TMEM132D: variants seen among roughly 807,000 people sequenced by gnomAD.
TMEM132D encodes mature OL transmembrane protein.
In TMEM132D, 21 loss-of-function variants were observed where a neutral mutation model predicts 62.3. The ratio of observed to expected loss-of-function variants is 0.34; its 90% confidence interval spans 0.24 to 0.49. The LOEUF (loss-of-function observed/expected upper bound fraction) is 0.49. TMEM132D is among the 20% of genes least tolerant of loss of function. TMEM132D has a pLI of 0.99. For synonymous variants in TMEM132D, 621 were observed against 575.6 expected, an observed-to-expected ratio of 1.08 and a Z score of -1.13; for missense variants, 1,346 against 1,402.8, an observed-to-expected ratio of 0.96 and a Z score of 0.65.
intron 4 of TMEM132D, among the ~76,000 whole-genome samples, chr12:129,322,694 C>A (rs1868762845): frequency 6.6e-6 from 1 of 152,040 alleles, no homozygotes; most frequent in South Asian, 2.1e-4. Flanking sequence ...AATTTGCCAC[C>A]TGTTTGATAT....
intron 3 of TMEM132D, among the ~76,000 whole-genome samples, chr12:129,489,567 A>T (rs1874698768): frequency 6.6e-6 from 1 of 152,248 alleles, no homozygotes; most frequent in Non-Finnish European, 1.5e-5. Flanking sequence ...GCAGCTGTAA[A>T]TGTTATTTGG....
chr12:129,432,307 ATGGATGGATGCT>A (rs1241788100), intron 3 of TMEM132D, among the ~76,000 whole-genome samples: 80 of 48,334 alleles, frequency 1.7e-3, no homozygotes, highest in African/African-American at 6.4e-3. Context: ...GGATGGATGG[ATGGATGGATGCT>A]TGGATGGATG....
At chr12:129,848,209 G>T (rs1294022582) in intron 1 of TMEM132D, among the ~76,000 whole-genome samples, 3 of 152,192 alleles carry the variant, frequency 2.0e-5, no homozygotes, top group African/African-American at 7.2e-5. Flanking sequence ...TGGTGCGAAA[G>T]TAATTGCAGT....
At chr12:129,826,553 G>C (rs1593177191) in intron 1 of TMEM132D, among the ~76,000 whole-genome samples, 1 of 152,258 alleles carries the variant, frequency 6.6e-6, no homozygotes, top group Non-Finnish European at 1.5e-5. Context: ...AGAAGAAAAA[G>C]ATCTTCTTTG....
intron 4 of TMEM132D, among the ~76,000 whole-genome samples, chr12:129,269,177 T>G (rs1361973235): frequency 6.6e-6 from 1 of 152,088 alleles, no homozygotes; most frequent in Non-Finnish European, 1.5e-5. Context: ...AATAAATTTC[T>G]TCCCTCTTTT....
intron 5 of TMEM132D, among the ~76,000 whole-genome samples, chr12:129,183,886 G>A (rs902243086): frequency 6.6e-6 from 1 of 152,062 alleles, no homozygotes; most frequent in African/African-American, 2.4e-5. Flanking sequence ...GGAGCTGGGT[G>A]GTGGCTGTCC....
intron 1 of TMEM132D, among the ~76,000 whole-genome samples, chr12:129,791,380 A>G (rs1354159762): frequency 6.6e-6 from 1 of 152,234 alleles, no homozygotes; most frequent in Non-Finnish European, 1.5e-5. Context: ...GTAGACTATT[A>G]ATAGATGCCT....
chr12:129,470,868 G>C (rs1338999364), intron 3 of TMEM132D, among the ~76,000 whole-genome samples: 1 of 152,078 alleles, frequency 6.6e-6, no homozygotes. Flanking sequence ...AACCAGGATG[G>C]GCTATGCATA....
chr12:129,309,101 T>A (rs76698915), intron 4 of TMEM132D, among the ~76,000 whole-genome samples: 1,942 of 152,334 alleles, frequency 0.013, 45 homozygotes, highest in African/African-American at 0.044. Flanking sequence ...TATCTTACTT[T>A]TGTAACCTCT....
rs559134074 is a variant in TMEM132D, at chr12:129,496,620, T to C, written c.1115+34439A>G. Among the ~76,000 whole-genome samples, 8 of 152,042 alleles carry C rather than the reference T, an allele frequency of 5.3e-5. No homozygotes were observed. In the South Asian group the frequency reaches 1.5e-3, roughly 28 times the overall value. On this transcript the variant is annotated intron_variant, in intron 3 of 8. Coordinates refer to ENST00000422113, the MANE Select transcript of TMEM132D (RefSeq NM_133448.3). ...ATTCACATGGGAGGAAAGAGAAATA[T>C]ATGTTTTAGCAGTAACAATATTATT... is the stretch of plus-strand genomic sequence containing the variant.
At chr12:129,401,699 G>A (rs1400627655) in intron 3 of TMEM132D, among the ~76,000 whole-genome samples, 2 of 152,344 alleles carry the variant, frequency 1.3e-5, no homozygotes, top group East Asian at 3.9e-4. Flanking sequence ...ACAGAGAGGT[G>A]AAGCTGCTCC....
chr12:129,613,799 G>T lies in TMEM132D; in HGVS notation c.969-82594C>A, dbSNP rs563930290. Among the ~76,000 whole-genome samples, 7 of 150,442 alleles carry T rather than the reference G, an allele frequency of 4.7e-5. No individual in the cohort carries two copies. In the South Asian group the frequency reaches 1.7e-3, roughly 36 times the overall value. ...AAGGTGACTGTCTCCAGAACCCAGAGGACTGTCTGCAGAACCCAGGGGACT... is the reference window on the plus strand; with the variant it reads ...AAGGTGACTGTCTCCAGAACCCAGATGACTGTCTGCAGAACCCAGGGGACT... On this transcript the variant is annotated intron_variant, in intron 2 of 8. Transcript: ENST00000422113.
rs564920878 is a variant in TMEM132D, at chr12:129,457,188, C to G, written c.1115+73871G>C. 2.6e-3 allele frequency among the ~76,000 whole-genome samples: 400 copies of G among 152,102 alleles called. 2 individuals are homozygous for G. The highest frequency in any genetic ancestry group is 9.0e-3 in the African/African-American group (372 of 41,500). On this transcript the variant is annotated intron_variant, in intron 3 of 8. Transcript: ENST00000422113. ...CACAATAGCAAAGACTTGGAACCAA[C>G]CCAAATGTCCAACAATGACAGACTA...
At chr12:129,104,537 C>T (rs985959607) in intron 5 of TMEM132D, among the ~76,000 whole-genome samples, 17 of 152,156 alleles carry the variant, frequency 1.1e-4, no homozygotes, top group African/African-American at 3.9e-4. Flanking sequence ...CCAAAATTGA[C>T]AAATGGGATC....
At chr12:129,552,803 T>C (rs1317000003) in intron 2 of TMEM132D, among the ~76,000 whole-genome samples, 2 of 152,206 alleles carry the variant, frequency 1.3e-5, no homozygotes, top group Non-Finnish European at 2.9e-5. Flanking sequence ...TACGTATCTA[T>C]CTAGCATCTA....
intron 3 of TMEM132D, among the ~76,000 whole-genome samples, chr12:129,496,326 G>C (rs1376745514): frequency 2.6e-5 from 4 of 152,172 alleles, no homozygotes; most frequent in African/African-American, 9.7e-5. Flanking sequence ...ATCTTTAAAA[G>C]CAGAAGAGCC....
chr12:129,146,660 C>T lies in TMEM132D; in HGVS notation c.1444-61958G>A, dbSNP rs142358904. 3.0e-3 allele frequency among the ~76,000 whole-genome samples: 457 copies of T among 152,246 alleles called. 4 individuals carry two copies. The highest frequency in any genetic ancestry group is 0.011 in the African/African-American group (440 of 41,538). ...TATTTCCCTCAGCATACTATGTTCC[C>T]ATATGTTTGCACACATTTCCTGCAA... On this transcript the variant is annotated intron_variant, in intron 5 of 8. Coordinates refer to ENST00000422113, the MANE Select transcript of TMEM132D (RefSeq NM_133448.3).
intron 8 of TMEM132D, among the ~76,000 whole-genome samples, chr12:129,078,051 A>G (rs1333771681): frequency 1.3e-5 from 2 of 152,224 alleles, no homozygotes; most frequent in South Asian, 2.1e-4. Context: ...GAGCTGAACA[A>G]TGAATGGTCT....
Position 129,540,061 on chromosome 12 carries a change from G to T in TMEM132D, c.969-8856C>A, listed in dbSNP as rs1003738653. On this transcript the variant is annotated intron_variant, in intron 2 of 8. Coordinates refer to ENST00000422113, the MANE Select transcript of TMEM132D (RefSeq NM_133448.3). ...TCACTCCATTAAGCCTAGTCTGTGG[G>T]CTTTTATTTTTTTTTTTAAATTGCC... 1.2e-3 allele frequency among the ~76,000 whole-genome samples: 70 copies of T among 57,048 alleles called. 1 individual carries two copies. Among genetic ancestry groups the T allele is most frequent in the Non-Finnish European group, 1.9e-3 (61 of 31,616 alleles). 37.4% of individuals were successfully genotyped at this position (57,048 alleles called of 152,430 possible). A position where few individuals can be genotyped will look rare whatever the true frequency, so the allele number is the denominator to read the frequency against.
Sources: allele counts gnomAD v4.1 joint callset (sites outside exome capture counted in the v4.1 genomes callset), GRCh38; gene constraint gnomAD v4.1.1; transcripts MANE v1.5; gene names NCBI Gene and HGNC (gene_info 2026-07-23, HGNC 2026-07-21).